DSG2: variants seen among roughly 807,000 people sequenced by gnomAD.
DSG2 encodes the protein desmoglein-2.
In DSG2, 45 loss-of-function variants were observed where a neutral mutation model predicts 75.6. The ratio of observed to expected loss-of-function variants is 0.60; its 90% confidence interval spans 0.47 to 0.76. DSG2 has a LOEUF of 0.76. Among genes scored for constraint, DSG2 ranks in the 30% least tolerant of loss-of-function variants. The pLI is 0.00. For synonymous variants in DSG2, 429 were observed against 483.9 expected (o/e 0.89, Z 1.49); for missense variants, 1,267 against 1,357.4 (o/e 0.93, Z 1.05).
chr18:31,546,903 T>C lies in DSG2; in HGVS notation c.*160T>C. ...CACTGATATGCAAAGGACCACACTG[T>C]CTCTGCTTCCAGGAGTATTTTAGAA... On this transcript the variant is annotated 3_prime_UTR_variant, in exon 15 of 15. Transcript: ENST00000261590. The C allele has an allele frequency of 1.3e-6, 1 of 760,280 alleles. No individual in the cohort carries two copies. The highest frequency in any genetic ancestry group is 2.0e-5 in the Admixed American group (1 of 49,428). 47.1% of individuals were successfully genotyped at this position (760,280 alleles called of 1,614,324 possible). A position where few individuals can be genotyped will look rare whatever the true frequency, so the allele number is the denominator to read the frequency against.
intron 10 of DSG2, among the ~76,000 whole-genome samples, chr18:31,535,868 G>A (rs2073226864): frequency 6.6e-6 from 1 of 151,942 alleles, no homozygotes. Context: ...TGGAACACTT[G>A]AGCCCAGGAG....
rs940790903 is a variant in DSG2, at chr18:31,503,486, C to A, written c.45+5190C>A. On this transcript the variant is annotated intron_variant, in intron 1 of 14. Transcript: ENST00000261590. ...TGTTGCTTGAACTTAGAAAGTGAGG[C>A]AGAAGAATGTATAGGAAGATAGGCC... is the stretch of plus-strand genomic sequence containing the variant. 2.6e-5 allele frequency among the ~76,000 whole-genome samples: 4 copies of A among 152,050 alleles called. No homozygotes were observed. The East Asian group carries it at 7.7e-4, about 29-fold the overall frequency.
intron 8 of DSG2, among the ~76,000 whole-genome samples, chr18:31,526,658 A>C (rs1418377973): frequency 6.6e-6 from 1 of 152,208 alleles, no homozygotes; most frequent in Non-Finnish European, 1.5e-5. Context: ...CGCAAGGAGA[A>C]ACAGTCAGAT....
chr18:31,515,384 T>TG (rs1467798896), intron 1 of DSG2, among the ~76,000 whole-genome samples: 2 of 152,184 alleles, frequency 1.3e-5, no homozygotes, highest in Admixed American at 1.3e-4. Flanking sequence ...GGATTACAGG[T>TG]GTGAGCCACT....
At position 31,528,220 on chromosome 18, in the gene DSG2, A is replaced by G. The variant is rs1208518395; in HGVS notation, c.1015-2767A>G. On this transcript the variant is annotated intron_variant, in intron 8 of 14. Coordinates refer to ENST00000261590, the MANE Select transcript of DSG2 (RefSeq NM_001943.5). ...GTTTCCACCCAAGAAAAATAAAAAC[A>G]GGTCTATACAAAGACATGTATGCAA... Among the ~76,000 whole-genome samples the G allele has an allele frequency of 5.3e-5, 8 of 152,362 alleles. No individual in the cohort carries two copies. The South Asian group carries it at 1.4e-3, about 28-fold the overall frequency.
intron 11 of DSG2, among the ~76,000 whole-genome samples, chr18:31,538,108 T>C (rs913398249): frequency 3.4e-5 from 5 of 148,190 alleles, no homozygotes; most frequent in African/African-American, 1.3e-4. Context: ...GTTAAGAAAC[T>C]TTAAAAAAAA....
At chr18:31,514,571 A>G (rs1415751732) in intron 1 of DSG2, among the ~76,000 whole-genome samples, 1 of 152,236 alleles carries the variant, frequency 6.6e-6, no homozygotes, top group African/African-American at 2.4e-5. Flanking sequence ...ACCTAAACAA[A>G]CAAATGATAT....
chr18:31,513,130 C>T (rs2155947), intron 1 of DSG2, among the ~76,000 whole-genome samples: 2,148 of 152,246 alleles, frequency 0.014, 40 homozygotes, highest in African/African-American at 0.049. Context: ...TAACAAAACC[C>T]AACTAAAACT....
At chr18:31,514,968 C>T (rs1332535846) in intron 1 of DSG2, among the ~76,000 whole-genome samples, 5 of 152,132 alleles carry the variant, frequency 3.3e-5, no homozygotes, top group African/African-American at 7.2e-5. Context: ...GTAAATTATA[C>T]CCTCTTGCTA....
intron 4 of DSG2, 27 bp downstream of exon 4, chr18:31,520,991 A>C: frequency 6.2e-7 from 1 of 1,610,800 alleles, no homozygotes; most frequent in Non-Finnish European, 8.5e-7. Context: ...TAGATTTATT[A>C]GTTTGTAGTT....
chr18:31,542,310 G>A, intron 13 of DSG2: 1 of 614,922 alleles, frequency 1.6e-6, no homozygotes, highest in Non-Finnish European at 2.9e-6. Context: ...TTTCTCTTTG[G>A]GTTCTATCCA....
chr18:31,509,963 A>T (rs1428856700), intron 1 of DSG2, among the ~76,000 whole-genome samples: 3 of 152,228 alleles, frequency 2.0e-5, no homozygotes, highest in Admixed American at 2.0e-4. Flanking sequence ...AAAGCTCTTT[A>T]AGAATGGATT....
At position 31,498,189 on chromosome 18, in the gene DSG2, G is replaced by T; in HGVS notation, c.-63G>T. 8.2e-7 allele frequency: 1 copy of T among 1,218,656 alleles called. No individual in the cohort carries two copies. The highest frequency in any genetic ancestry group is 4.1e-5 in the South Asian group (1 of 24,238). 75.5% of individuals were successfully genotyped at this position (1,218,656 alleles called of 1,614,324 possible). ...GGCCGGGGCCAGGGAGGAGCCGAGT[G>T]CGCGCTCGGGGCAGGCGGCGGCGCG... is the stretch of plus-strand genomic sequence containing the variant. On this transcript the variant is annotated 5_prime_UTR_variant, in exon 1 of 15. Transcript: ENST00000261590.
rs1449629263 is a variant in DSG2 at position 31,536,252 on chromosome 18, A to G, written c.1474A>G (p.Ile492Val). The G allele has an allele frequency of 3.1e-6, 5 of 1,614,084 alleles. No homozygotes were observed. The highest frequency in any genetic ancestry group is 4.2e-6 in the Non-Finnish European group (5 of 1,180,040). ...CACAGTCCTTATCAATGTTGAAGACATCAACGACAACTGTCCCACACTGAT... is the reference window on the plus strand; with the variant it reads ...CACAGTCCTTATCAATGTTGAAGACGTCAACGACAACTGTCCCACACTGAT... ...TGTVLINVED[I>V]NDNCPTLIEP... The change falls in exon 11 of 15, where the codon ATC becomes GTC. Residue 492 changes from isoleucine to valine, a missense_variant. By Grantham distance (29) the Ile-to-Val change is conservative. Coordinates refer to ENST00000261590, the MANE Select transcript of DSG2 (RefSeq NM_001943.5).
chr18:31,527,464 T>TA lies in DSG2; in HGVS notation c.1014+2583dup, dbSNP rs573655086. Among the ~76,000 whole-genome samples the TA allele has an allele frequency of 4.7e-3, 719 of 152,164 alleles. 1 individual carries two copies. Among genetic ancestry groups the TA allele is most frequent in the Non-Finnish European group, 7.5e-3 (509 of 67,984 alleles). On this transcript the variant is annotated intron_variant, in intron 8 of 14. Transcript: ENST00000261590. ...TTATTTCTATCAAGAGGGATGTGGA[T>TA]AAAAAAACAATAAAATGAGTATTAC...
chr18:31,520,135 G>A (rs1010201373), intron 3 of DSG2, among the ~76,000 whole-genome samples, 198 bp downstream of exon 3: 7 of 152,076 alleles, frequency 4.6e-5, no homozygotes, highest in Admixed American at 1.3e-4. Context: ...TTCCCATTCC[G>A]GAAGATGCAG....
intron 1 of DSG2, among the ~76,000 whole-genome samples, chr18:31,501,173 A>G (rs1456617888): frequency 2.0e-5 from 3 of 152,214 alleles, no homozygotes; most frequent in Non-Finnish European, 4.4e-5. Flanking sequence ...AATTGGGTTC[A>G]TTGATAATCC....
intron 3 of DSG2, 92 bp from the exon 4 acceptor site, chr18:31,520,711 A>T: frequency 1.5e-6 from 2 of 1,335,106 alleles, no homozygotes; most frequent in Non-Finnish European, 1.0e-6. Flanking sequence ...CCTGTAAATT[A>T]TAGAGAATCA....
chr18:31,523,521 C>T (rs1001705586), intron 6 of DSG2, among the ~76,000 whole-genome samples: 3 of 152,140 alleles, frequency 2.0e-5, no homozygotes, highest in Admixed American at 6.5e-5. Context: ...CTACTCTATA[C>T]CTTTTCACAT....
Sources: allele counts gnomAD v4.1 joint callset (sites outside exome capture counted in the v4.1 genomes callset), GRCh38; gene constraint gnomAD v4.1.1; transcripts MANE v1.5; gene names NCBI Gene and HGNC (gene_info 2026-07-23, HGNC 2026-07-21).